The following GFRA1 variants were observed in gnomAD, a reference collection of about 807,000 sequenced individuals.
GFRA1 encodes the protein GDNF family receptor alpha-1.
GFRA1 carries 16 observed loss-of-function variants against 51.6 expected under a neutral mutation model. That is an observed-to-expected ratio of 0.31 (90% confidence interval 0.21 to 0.47). GFRA1 has a LOEUF of 0.47. Ranked by LOEUF, GFRA1 falls within the 20% of genes least tolerant of loss-of-function variation. GFRA1 has a pLI of 1.00. For missense variants in GFRA1, 530 were observed against 594.3 expected, an observed-to-expected ratio of 0.89 and a Z score of 1.13; for synonymous variants, 270 against 241.3, an observed-to-expected ratio of 1.12 and a Z score of -1.10.
chr10:116,134,891 C>A (rs17805809), intron 5 of GFRA1, among the ~76,000 whole-genome samples: 31 of 152,264 alleles, frequency 2.0e-4, no homozygotes, highest in Middle Eastern at 3.4e-3. Context: ...TGGATATCTC[C>A]TGTAAGTGGT....
chr10:116,206,249 T>C (rs1415989924), intron 5 of GFRA1, among the ~76,000 whole-genome samples: 1 of 152,288 alleles, frequency 6.6e-6, no homozygotes, highest in East Asian at 1.9e-4. Context: ...GAAAACAATC[T>C]TTCATAATGT....
chr10:116,224,031 C>A (rs868509460), intron 4 of GFRA1, among the ~76,000 whole-genome samples: 1 of 152,162 alleles, frequency 6.6e-6, no homozygotes, highest in Non-Finnish European at 1.5e-5. Flanking sequence ...AACAGAGCAT[C>A]GCTCACTAGG....
At chr10:116,235,565 G>T (rs1236479130) in intron 4 of GFRA1, among the ~76,000 whole-genome samples, 2 of 152,022 alleles carry the variant, frequency 1.3e-5, no homozygotes, top group African/African-American at 4.8e-5. Flanking sequence ...TTGAGACTGT[G>T]GGGGGTGGTC....
At chr10:116,081,027 G>A (rs1378364915) in intron 9 of GFRA1, among the ~76,000 whole-genome samples, 1 of 152,148 alleles carries the variant, frequency 6.6e-6, no homozygotes, top group Non-Finnish European at 1.5e-5. Context: ...CCTTGCCCTA[G>A]GCATCTCTTT....
intron 4 of GFRA1, among the ~76,000 whole-genome samples, chr10:116,217,516 A>G (rs891561147): frequency 6.6e-6 from 1 of 152,266 alleles, no homozygotes; most frequent in Admixed American, 6.5e-5. Context: ...AAATGAGGAT[A>G]ATAAAATTTA....
At chr10:116,172,377 A>G (rs1163187436) in intron 5 of GFRA1, among the ~76,000 whole-genome samples, 1 of 152,122 alleles carries the variant, frequency 6.6e-6, no homozygotes, top group African/African-American at 2.4e-5. Context: ...AGAGCAATGA[A>G]GGCCCAGGAA....
intron 4 of GFRA1, among the ~76,000 whole-genome samples, chr10:116,247,203 T>A (rs551592918): frequency 6.6e-6 from 1 of 152,044 alleles, no homozygotes; most frequent in South Asian, 2.1e-4. Flanking sequence ...CTAGAAGCCA[T>A]CCCTGGTTTC....
At position 116,066,814 on chromosome 10, in the gene GFRA1, G is replaced by A. The variant is rs567867802; in HGVS notation, c.1198-1188C>T. Among the ~76,000 whole-genome samples, 7 of 152,264 alleles carry A rather than the reference G, an allele frequency of 4.6e-5. No homozygotes were observed. The East Asian group carries it at 7.7e-4, about 17-fold the overall frequency. The stretch of plus-strand genomic sequence containing the variant: ...ACAGACAGAGAGCTTATTTGTCAAC[G>A]GGCTGAGCCCTGGTTAAGCGTTACA... On this transcript the variant is annotated intron_variant, in intron 9 of 10. Transcript: ENST00000355422.
intron 6 of GFRA1, among the ~76,000 whole-genome samples, chr10:116,115,406 G>T (rs1021004893): frequency 6.6e-6 from 1 of 152,058 alleles, no homozygotes; most frequent in Non-Finnish European, 1.5e-5. Context: ...GTCCTGGCAG[G>T]TTCCCAGAGT....
At chr10:116,143,818 C>T (rs1310172518) in intron 5 of GFRA1, among the ~76,000 whole-genome samples, 1 of 152,106 alleles carries the variant, frequency 6.6e-6, no homozygotes, top group Non-Finnish European at 1.5e-5. Flanking sequence ...TAGAAGGGGG[C>T]TGTAATATAA....
intron 9 of GFRA1, among the ~76,000 whole-genome samples, chr10:116,081,239 G>A (rs1269057870): frequency 6.6e-6 from 1 of 152,218 alleles, no homozygotes; most frequent in Non-Finnish European, 1.5e-5. Flanking sequence ...GGGCCGTCTT[G>A]TTGGGGACCA....
intron 6 of GFRA1, among the ~76,000 whole-genome samples, chr10:116,124,559 G>T (rs551740287): frequency 1.6e-4 from 25 of 152,170 alleles, no homozygotes; most frequent in Non-Finnish European, 2.6e-4. Context: ...CACAGAAAAT[G>T]TATTCATGGA....
At chr10:116,198,320 T>C (rs1964056782) in intron 5 of GFRA1, among the ~76,000 whole-genome samples, 1 of 152,196 alleles carries the variant, frequency 6.6e-6, no homozygotes, top group Non-Finnish European at 1.5e-5. Context: ...GCTGAACTTT[T>C]GCGGGCTTAT....
intron 9 of GFRA1, among the ~76,000 whole-genome samples, chr10:116,071,674 C>G (rs1282816105): frequency 6.6e-6 from 1 of 152,186 alleles, no homozygotes; most frequent in Non-Finnish European, 1.5e-5. Flanking sequence ...AGCTTAGTGC[C>G]AAGCCTAGAT....
chr10:116,092,401 T>G (rs1956388554), intron 8 of GFRA1, among the ~76,000 whole-genome samples: 1 of 151,904 alleles, frequency 6.6e-6, no homozygotes, highest in African/African-American at 2.4e-5. Context: ...CAAAAGCTTT[T>G]GTGTGTGTGT....
intron 5 of GFRA1, among the ~76,000 whole-genome samples, chr10:116,181,723 C>T (rs1422580424): frequency 1.3e-5 from 2 of 151,850 alleles, no homozygotes; most frequent in African/African-American, 2.4e-5. Context: ...CTGCAAGCTT[C>T]GCCTCCCAGG....
chr10:116,246,547 GC>G (rs113654038), intron 4 of GFRA1, among the ~76,000 whole-genome samples: 13 of 151,862 alleles, frequency 8.6e-5, no homozygotes, highest in African/African-American at 3.1e-4. Flanking sequence ...CTAGTAATTA[GC>G]AAAAAACGAA....
chr10:116,201,236 A>T lies in GFRA1; in HGVS notation c.433+10395T>A, dbSNP rs1336827712. Among the ~76,000 whole-genome samples the T allele has an allele frequency of 2.6e-5, 4 of 152,298 alleles. No individual in the cohort carries two copies. The South Asian group carries it at 8.3e-4, about 32-fold the overall frequency. On this transcript the variant is annotated intron_variant, in intron 5 of 10. Coordinates refer to ENST00000355422, the MANE Select transcript of GFRA1 (RefSeq NM_005264.8). Reference sequence around the variant, plus strand: ...AGTCACTGACTAGTAGTCCTTGAGTAATGAAAGGAGTAATAAAAATGAGTA... The same window carrying T: ...AGTCACTGACTAGTAGTCCTTGAGTTATGAAAGGAGTAATAAAAATGAGTA...
chr10:116,222,225 G>T (rs969207077), intron 4 of GFRA1, among the ~76,000 whole-genome samples: 13 of 152,216 alleles, frequency 8.5e-5, no homozygotes, highest in African/African-American at 2.9e-4. Context: ...TGGAGATAAA[G>T]TCTTGCCCTG....
Sources: gnomAD v4.1 joint callset for allele counts (sites outside exome capture counted in the v4.1 genomes callset) on GRCh38, gnomAD v4.1.1 for gene constraint, MANE v1.5 for transcripts, NCBI Gene and HGNC (gene_info 2026-07-23, HGNC 2026-07-21) for gene names.